Variants in CMSS1 observed in about 807,000 individuals in gnomAD.
The protein encoded by CMSS1 is protein CMSS1.
In CMSS1, 33 loss-of-function variants were observed where a neutral mutation model predicts 43.5. That is an observed-to-expected ratio of 0.76 (90% CI 0.57 to 1.01). The LOEUF is 1.01. CMSS1 is among the 50% of genes least tolerant of loss of function. The pLI is 0.00. For synonymous variants in CMSS1, 115 were observed against 117.2 expected (o/e 0.98, Z 0.12); for missense variants, 313 against 326.4 (o/e 0.96, Z 0.32).
At chr3:99,828,823 C>G (rs772274242) in intron 1 of CMSS1, among the ~76,000 whole-genome samples, 2 of 152,060 alleles carry the variant, frequency 1.3e-5, no homozygotes, top group African/African-American at 2.4e-5. Flanking sequence ...TTCGACTTTT[C>G]CATTTCAGGC....
At chr3:99,849,239 T>G in intron 1 of CMSS1, 1 of 1,614,176 alleles carries the variant, frequency 6.2e-7, no homozygotes, top group Non-Finnish European at 8.5e-7. Context: ...ATGAGGCTCT[T>G]GTAATCAGGT....
At chr3:100,125,273 C>T (rs2066654436) in intron 1 of CMSS1, among the ~76,000 whole-genome samples, 1 of 152,228 alleles carries the variant, frequency 6.6e-6, no homozygotes. Context: ...TTGCACTTCA[C>T]TGAAGAGCTC....
At chr3:99,891,513 T>G (rs764019160) in intron 1 of CMSS1, among the ~76,000 whole-genome samples, 3 of 152,178 alleles carry the variant, frequency 2.0e-5, no homozygotes, top group Non-Finnish European at 4.4e-5. Context: ...ATAGATGTAT[T>G]TTTTGAAATA....
Position 99,924,180 on chromosome 3 carries a change from C to G in CMSS1, c.64+106137C>G, listed in dbSNP as rs371207088. ...GTATCCCTGAGACCTGGTACAGTGG[C>G]CAGCTCATAGATTGCAGAATGGGAC... On this transcript the variant is annotated intron_variant, in intron 1 of 9. Coordinates refer to ENST00000421999, the MANE Select transcript of CMSS1 (RefSeq NM_032359.4). 1.5e-5 allele frequency: 23 copies of G among 1,499,326 alleles called. 1 individual carries two copies. The South Asian group carries it at 2.8e-4, about 18-fold the overall frequency. The allele number at this position is 1,499,326 out of a possible 1,614,324, so 92.9% of individuals were successfully genotyped here.
At chr3:99,821,193 G>A (rs1184350596) in intron 1 of CMSS1, among the ~76,000 whole-genome samples, 22 of 152,188 alleles carry the variant, frequency 1.4e-4, no homozygotes, top group Admixed American at 1.4e-3. Context: ...GTTCTACATT[G>A]CACTGGAGCT....
In CMSS1 at chr3:100,000,405, G is replaced by A. The variant is rs139741907; in HGVS notation, c.65-146568G>A. On this transcript the variant is annotated intron_variant, in intron 1 of 9. Coordinates refer to ENST00000421999, the MANE Select transcript of CMSS1 (RefSeq NM_032359.4). Reference sequence around the variant, plus strand: ...GAGGAATATCATATATTTATTGGCAGCTGCTGTTGTGTGAATGTCGTCAGC... The same window carrying A: ...GAGGAATATCATATATTTATTGGCAACTGCTGTTGTGTGAATGTCGTCAGC... Among the ~76,000 whole-genome samples the A allele has an allele frequency of 7.2e-3, 1,094 of 152,288 alleles. 4 individuals carry two copies. Among genetic ancestry groups the A allele is most frequent in the African/African-American group, 1.0e-2 (414 of 41,546 alleles).
chr3:99,841,032 A>G (rs2107504963), intron 1 of CMSS1, among the ~76,000 whole-genome samples: 1 of 152,348 alleles, frequency 6.6e-6, no homozygotes, highest in African/African-American at 2.4e-5. Flanking sequence ...TGAATCTTTC[A>G]TCTCCATAAT....
At chr3:99,868,217 G>C (rs1405257350) in intron 1 of CMSS1, among the ~76,000 whole-genome samples, 1 of 152,136 alleles carries the variant, frequency 6.6e-6, no homozygotes, top group Non-Finnish European at 1.5e-5. Context: ...AGTTCTTGTG[G>C]GTTTCTCACA....
At chr3:99,838,768 T>C (rs1361680716) in intron 1 of CMSS1, among the ~76,000 whole-genome samples, 1 of 152,230 alleles carries the variant, frequency 6.6e-6, no homozygotes, top group Non-Finnish European at 1.5e-5. Flanking sequence ...TTAATCTACT[T>C]ATCCCTAAAG....
At chr3:99,975,158 C>G (rs1368566497) in intron 1 of CMSS1, among the ~76,000 whole-genome samples, 7 of 151,674 alleles carry the variant, frequency 4.6e-5, no homozygotes, top group Admixed American at 2.0e-4. Flanking sequence ...TTCTGTTCCT[C>G]CCCGCTCCAA....
At chr3:99,892,077 T>G (rs1706099940) in intron 1 of CMSS1, among the ~76,000 whole-genome samples, 1 of 152,222 alleles carries the variant, frequency 6.6e-6, no homozygotes, top group Non-Finnish European at 1.5e-5. Flanking sequence ...GTCTAAGAGC[T>G]TCTGCTATGC....
At chr3:99,880,990 A>G (rs1263373622) in intron 1 of CMSS1, among the ~76,000 whole-genome samples, 3 of 152,148 alleles carry the variant, frequency 2.0e-5, no homozygotes, top group East Asian at 1.9e-4. Context: ...GCATGTTTAC[A>G]TATTCTCCCT....
chr3:100,020,470 G>T (rs1231206454), intron 1 of CMSS1, among the ~76,000 whole-genome samples: 3 of 152,112 alleles, frequency 2.0e-5, no homozygotes, highest in Non-Finnish European at 4.4e-5. Context: ...AGACAGAATT[G>T]ATTCATTTAG....
intron 1 of CMSS1, among the ~76,000 whole-genome samples, chr3:100,097,727 G>T (rs2066235609): frequency 1.3e-5 from 2 of 152,084 alleles, no homozygotes. Flanking sequence ...ATTAGTTCTG[G>T]ATTTGAATAT....
intron 1 of CMSS1, among the ~76,000 whole-genome samples, chr3:99,871,411 G>A (rs1944780253): frequency 6.6e-6 from 1 of 152,114 alleles, no homozygotes; most frequent in African/African-American, 2.4e-5. Context: ...TTGTACCTCG[G>A]TACTTTCCTA....
intron 1 of CMSS1, among the ~76,000 whole-genome samples, chr3:99,888,225 G>A (rs1436885958): frequency 6.6e-6 from 1 of 151,968 alleles, no homozygotes; most frequent in Non-Finnish European, 1.5e-5. Context: ...GCTGTCAGAG[G>A]GCCAGGCATT....
chr3:100,077,601 G>A (rs1454414824), intron 1 of CMSS1, among the ~76,000 whole-genome samples: 1 of 152,148 alleles, frequency 6.6e-6, no homozygotes, highest in East Asian at 1.9e-4. Context: ...TAGTAAAACA[G>A]TACAGAATGA....
intron 1 of CMSS1, among the ~76,000 whole-genome samples, chr3:100,098,328 T>C (rs1157227860): frequency 6.6e-6 from 1 of 152,240 alleles, no homozygotes; most frequent in African/African-American, 2.4e-5. Flanking sequence ...TATATTTGAA[T>C]GCCATTTCCA....
chr3:99,938,294 C>A (rs1182439695), intron 1 of CMSS1, among the ~76,000 whole-genome samples: 1 of 152,202 alleles, frequency 6.6e-6, no homozygotes, highest in African/African-American at 2.4e-5. Context: ...AATTTGACAG[C>A]ACCATTAACC....
Sources: gnomAD v4.1 joint callset for allele counts (sites outside exome capture counted in the v4.1 genomes callset) on GRCh38, gnomAD v4.1.1 for gene constraint, MANE v1.5 for transcripts, NCBI Gene and HGNC (gene_info 2026-07-23, HGNC 2026-07-21) for gene names.